Variants in DNAH8 observed in about 807,000 individuals in gnomAD.
DNAH8 encodes the protein dynein axonemal heavy chain 8, also known as axonemal beta dynein heavy chain 8.
In DNAH8, 382 loss-of-function variants were observed where a neutral mutation model predicts 562.1. That is an observed-to-expected ratio of 0.68 (90% CI 0.63 to 0.74). The LOEUF is 0.74. Ranked by LOEUF, DNAH8 falls within the 30% of genes least tolerant of loss-of-function variation. The pLI is 0.00. For missense variants in DNAH8, 5,203 were observed against 5,620.4 expected, an observed-to-expected ratio of 0.93 and a Z score of 2.37; for synonymous variants, 1,881 against 1,919.4, an observed-to-expected ratio of 0.98 and a Z score of 0.52.
At position 38,827,732 on chromosome 6, in the gene DNAH8, A is replaced by T. The variant is rs1322374466; in HGVS notation, c.4084-452A>T. Among the ~76,000 whole-genome samples, 2 of 25,736 alleles carry T rather than the reference A, an allele frequency of 7.8e-5. 1 individual carries two copies. Among genetic ancestry groups the T allele is most frequent in the Non-Finnish European group, 1.6e-4 (2 of 12,598 alleles). The allele number at this position is 25,736 out of a possible 152,430, so 16.9% of individuals were successfully genotyped here. On this transcript the variant is annotated intron_variant, in intron 29 of 92. Coordinates refer to ENST00000327475, the MANE Select transcript of DNAH8 (RefSeq NM_001206927.2). The stretch of plus-strand genomic sequence containing the variant: ...CTGCAAAAGCTTAATTCTTTACCAA[A>T]CTTTTTTTTTTTTTTTTTTTTTTTT...
Position 38,945,592 on chromosome 6 carries a change from A to G in DNAH8, c.12129+4A>G. ...ATTTGCAGAAATTATGAACCAGGTA[A>G]TACAATAAAGGGCTGGTTGAAAGTG... On this transcript the variant is annotated splice_donor_region_variant and intron_variant, in intron 80 of 92. Transcript: ENST00000327475. The G allele has an allele frequency of 6.2e-7, 1 of 1,613,948 alleles. No individual in the cohort carries two copies. Among genetic ancestry groups the G allele is most frequent in the Middle Eastern group, 1.7e-4 (1 of 6,058 alleles).
chr6:38,782,226 G>A (rs1307101939), intron 16 of DNAH8, among the ~76,000 whole-genome samples: 1 of 151,800 alleles, frequency 6.6e-6, no homozygotes, highest in East Asian at 1.9e-4. Context: ...CATGTGAATC[G>A]AAACCTAAAT....
At chr6:38,984,570 A>T (rs1583507703) in intron 87 of DNAH8, among the ~76,000 whole-genome samples, 1 of 152,078 alleles carries the variant, frequency 6.6e-6, no homozygotes. Flanking sequence ...AGGCGGGCGG[A>T]TCACGAGGTC....
chr6:39,024,046 T>C (rs1236641262), intron 91 of DNAH8, among the ~76,000 whole-genome samples: 1 of 152,098 alleles, frequency 6.6e-6, no homozygotes, highest in African/African-American at 2.4e-5. Context: ...TCACTAGAGT[T>C]TTTCAGAGCT....
chr6:38,808,367 C>A (rs76565913), intron 24 of DNAH8, among the ~76,000 whole-genome samples: 298 of 152,254 alleles, frequency 2.0e-3, no homozygotes, highest in Non-Finnish European at 3.4e-3. Context: ...TTAAAAAATT[C>A]TTGCCAACAT....
chr6:38,812,356 A>G (rs1415535446), intron 24 of DNAH8, among the ~76,000 whole-genome samples: 1 of 151,962 alleles, frequency 6.6e-6, no homozygotes, highest in Non-Finnish European at 1.5e-5. Flanking sequence ...TGAAGTATGA[A>G]CTCACTATGC....
rs573091890 is a variant in DNAH8, at chr6:38,748,546, T to C, written c.1294-1930T>C. Among the ~76,000 whole-genome samples, 76 of 152,210 alleles carry C rather than the reference T, an allele frequency of 5.0e-4. 2 individuals are homozygous for C. In the South Asian group the frequency reaches 0.015, roughly 31 times the overall value. On this transcript the variant is annotated intron_variant, in intron 8 of 92. Transcript: ENST00000327475. ...CTCCATTTCATGCTCTCTTCATCTC[T>C]GACCAATTCTCAAGCAGGCACTTGA...
intron 82 of DNAH8, 95 bp downstream of exon 82, chr6:38,951,615 G>A: frequency 9.1e-7 from 1 of 1,093,010 alleles, no homozygotes; most frequent in Non-Finnish European, 1.4e-6. Context: ...CTTAGAAATA[G>A]ATGTAAAACT....
chr6:38,938,026 G>A lies in DNAH8; in HGVS notation c.11616G>A (p.Gln3872=). 1 of 1,613,944 alleles carries A rather than the reference G, an allele frequency of 6.2e-7. No individual in the cohort carries two copies. Among genetic ancestry groups the A allele is most frequent in the Non-Finnish European group, 8.5e-7 (1 of 1,179,996 alleles). Residue 3872 remains glutamine (Q), a synonymous_variant, in exon 78 of 93, where the codon CAG becomes CAA. Transcript: ENST00000327475. ...SLIGVLRTTK[Q]TAAEVSEKLH... is the part of the protein sequence containing the mutation. Reference sequence around the variant, plus strand: ...TTGGTGTACTTCGAACTACCAAGCAGACAGCAGCTGAGGTAAGTGAAAAGT... The same window carrying A: ...TTGGTGTACTTCGAACTACCAAGCAAACAGCAGCTGAGGTAAGTGAAAAGT...
intron 28 of DNAH8, among the ~76,000 whole-genome samples, chr6:38,825,734 T>G (rs1678718): frequency 0.67 from 102,454 of 151,888 alleles, 35,043 homozygotes; most frequent in East Asian, 0.85. Context: ...GATGATGTGG[T>G]GAGTAGAAAA....
chr6:39,019,684 A>T (rs1010544862), intron 91 of DNAH8, among the ~76,000 whole-genome samples: 3 of 152,146 alleles, frequency 2.0e-5, no homozygotes, highest in Non-Finnish European at 4.4e-5. Context: ...AAATGAAGAA[A>T]AGGGATGGAG....
At chr6:38,763,012 C>A in intron 11 of DNAH8, 1 of 400,028 alleles carries the variant, frequency 2.5e-6, no homozygotes, top group Non-Finnish European at 4.9e-6. Context: ...ATGTAAGATA[C>A]AAAGCTACAC....
intron 86 of DNAH8, among the ~76,000 whole-genome samples, 153 bp downstream of exon 86, chr6:38,982,615 G>A (rs1583502543): frequency 6.6e-6 from 1 of 152,156 alleles, no homozygotes; most frequent in Non-Finnish European, 1.5e-5. Flanking sequence ...ACTTGCTGGG[G>A]CAGCCTGTCC....
At chr6:38,816,915 G>T (rs1481860547) in intron 26 of DNAH8, among the ~76,000 whole-genome samples, 1 of 151,996 alleles carries the variant, frequency 6.6e-6, no homozygotes, top group Non-Finnish European at 1.5e-5. Flanking sequence ...CATGTCCTTT[G>T]TCCATTTTCT....
chr6:38,988,971 TGAAA>T lies in DNAH8; in HGVS notation c.13054-1035_13054-1032del, dbSNP rs1311031671. ...TCCCTCCGCTGGGTCACAAGCTCCT[TGAAA>T]GAAAGGACTGTGTGTCTCTTATCTT... On this transcript the variant is annotated intron_variant, in intron 87 of 92. Coordinates refer to ENST00000327475, the MANE Select transcript of DNAH8 (RefSeq NM_001206927.2). Among the ~76,000 whole-genome samples the T allele has an allele frequency of 2.0e-5, 3 of 152,236 alleles. No homozygotes were observed. The East Asian group carries it at 5.8e-4, about 29-fold the overall frequency.
chr6:38,899,408 AT>A (rs1779914394), intron 61 of DNAH8, among the ~76,000 whole-genome samples: 1 of 152,248 alleles, frequency 6.6e-6, no homozygotes, highest in South Asian at 2.1e-4. Context: ...TAAAAAAACA[AT>A]TGTAAACATT....
At chr6:38,957,212 T>C (rs1691668176) in intron 82 of DNAH8, among the ~76,000 whole-genome samples, 1 of 151,490 alleles carries the variant, frequency 6.6e-6, no homozygotes, top group South Asian at 2.1e-4. Flanking sequence ...TAAGGGTAAA[T>C]ACAACAAGAG....
At chr6:38,918,844 A>G in intron 70 of DNAH8, among the ~76,000 whole-genome samples, 1 of 152,116 alleles carries the variant, frequency 6.6e-6, no homozygotes, top group East Asian at 1.9e-4. Flanking sequence ...CAAAGCTAAA[A>G]GTATTATAAG....
chr6:38,867,217 A>T (rs1777102734), intron 47 of DNAH8, among the ~76,000 whole-genome samples: 2 of 134,760 alleles, frequency 1.5e-5, no homozygotes. Context: ...TTATACATGC[A>T]CTGGTGTGTG....
Sources: allele counts gnomAD v4.1 joint callset (sites outside exome capture counted in the v4.1 genomes callset), GRCh38; gene constraint gnomAD v4.1.1; transcripts MANE v1.5; gene names NCBI Gene and HGNC (gene_info 2026-07-23, HGNC 2026-07-21).